POFUT3: variants seen among roughly 807,000 people sequenced by gnomAD.
The protein encoded by POFUT3 is GDP-fucose protein O-fucosyltransferase 3.
the POFUT3 span, among the ~76,000 whole-genome samples, chr8:33,443,762 G>A: frequency 6.6e-6 from 1 of 152,022 alleles, no homozygotes; most frequent in African/African-American, 2.4e-5. Context: ...CAAAATGTTG[G>A]GATTACAGGC....
chr8:33,355,717 A>T, the POFUT3 span, among the ~76,000 whole-genome samples: 1 of 151,974 alleles, frequency 6.6e-6, no homozygotes, highest in Non-Finnish European at 1.5e-5. Flanking sequence ...CATGTGCACA[A>T]TGTGCAGGTT....
chr8:33,316,170 C>CT, the POFUT3 span, among the ~76,000 whole-genome samples: 4 of 152,088 alleles, frequency 2.6e-5, no homozygotes, highest in African/African-American at 4.8e-5. Flanking sequence ...AAGAGAGGTT[C>CT]TGTATGAGTA....
At chr8:33,309,377 T>TG in the POFUT3 span, among the ~76,000 whole-genome samples, 48 of 146,260 alleles carry the variant, frequency 3.3e-4, 1 homozygote, top group South Asian at 3.3e-3. Context: ...GTGTGTGTGT[T>TG]TTTCTCCCCT....
At chr8:33,315,665 A>G in the POFUT3 span, among the ~76,000 whole-genome samples, 1 of 152,132 alleles carries the variant, frequency 6.6e-6, no homozygotes, top group African/African-American at 2.4e-5. Context: ...GATAGTTGGG[A>G]TAAGTTTTAT....
the POFUT3 span, among the ~76,000 whole-genome samples, chr8:33,453,984 G>A: frequency 4.6e-5 from 7 of 151,936 alleles, no homozygotes; most frequent in Non-Finnish European, 7.4e-5. Context: ...AAAATTGGCC[G>A]GGCATGGTGA....
At chr8:33,361,222 C>T in the POFUT3 span, 2 of 152,278 alleles carry the variant, frequency 1.3e-5, no homozygotes, top group Non-Finnish European at 2.9e-5. Flanking sequence ...CTGTTTGCCC[C>T]TGTGGACTCA....
At chr8:33,333,583 A>G in the POFUT3 span, among the ~76,000 whole-genome samples, 2 of 151,776 alleles carry the variant, frequency 1.3e-5, no homozygotes, top group Admixed American at 6.6e-5. Context: ...GACCAGGGGT[A>G]GAGTATTCCT....
the POFUT3 span, among the ~76,000 whole-genome samples, chr8:33,340,236 A>G: frequency 6.6e-6 from 1 of 152,034 alleles, no homozygotes; most frequent in Non-Finnish European, 1.5e-5. Context: ...CAAATAATGC[A>G]CACACACACA....
At chr8:33,452,522 T>C in the POFUT3 span, 1 of 152,188 alleles carries the variant, frequency 6.6e-6, no homozygotes, top group African/African-American at 2.4e-5. Flanking sequence ...TCACATTTAC[T>C]AGATATTGCC....
At chr8:33,436,678 T>G in the POFUT3 span, 1 of 811,132 alleles carries the variant, frequency 1.2e-6, no homozygotes, top group Non-Finnish European at 2.1e-6. Flanking sequence ...CCAGGGCACG[T>G]TTCCGATGAA....
At chr8:33,321,642 G>A in the POFUT3 span, among the ~76,000 whole-genome samples, 1 of 152,074 alleles carries the variant, frequency 6.6e-6, no homozygotes, top group Non-Finnish European at 1.5e-5. Flanking sequence ...CAGATTCAAA[G>A]GTAAGGAAAT....
At chr8:33,466,706 CA>C in the POFUT3 span, among the ~76,000 whole-genome samples, 1 of 152,126 alleles carries the variant, frequency 6.6e-6, no homozygotes, top group Non-Finnish European at 1.5e-5. Flanking sequence ...GTGGGACAGG[CA>C]GACTTGCAGA....
chr8:33,364,041 A>C, the POFUT3 span, among the ~76,000 whole-genome samples: 2 of 152,182 alleles, frequency 1.3e-5, no homozygotes, highest in Non-Finnish European at 2.9e-5. Flanking sequence ...GGCAAACCGA[A>C]TCCAGCAGCA....
chr8:33,322,799 A>G, the POFUT3 span, among the ~76,000 whole-genome samples: 2 of 152,186 alleles, frequency 1.3e-5, no homozygotes, highest in African/African-American at 4.8e-5. Context: ...TTAGAGGCCA[A>G]ACTAAGTTGA....
the POFUT3 span, among the ~76,000 whole-genome samples, chr8:33,467,572 G>C: frequency 6.6e-6 from 1 of 152,120 alleles, no homozygotes; most frequent in African/African-American, 2.4e-5. Flanking sequence ...ACCCCTAGGA[G>C]CTGAGCTTCT....
the POFUT3 span, among the ~76,000 whole-genome samples, chr8:33,421,001 T>C: frequency 6.6e-6 from 1 of 151,592 alleles, no homozygotes; most frequent in Non-Finnish European, 1.5e-5. Flanking sequence ...CAAATGTAAA[T>C]TCAGAAGACA....
the POFUT3 span, among the ~76,000 whole-genome samples, chr8:33,433,219 G>A: frequency 6.6e-6 from 1 of 151,820 alleles, no homozygotes; most frequent in Admixed American, 6.6e-5. Flanking sequence ...GGGCAACCGA[G>A]TGAGACAGTC....
chr8:33,353,468 G>A, the POFUT3 span, among the ~76,000 whole-genome samples: 22 of 152,224 alleles, frequency 1.4e-4, no homozygotes, highest in African/African-American at 2.6e-4. Context: ...CAGAAACCCC[G>A]GAGTTCTACA....
At chr8:33,451,061 G>GGTGTGTGTGT in the POFUT3 span, among the ~76,000 whole-genome samples, 3 of 88,842 alleles carry the variant, frequency 3.4e-5, no homozygotes, top group East Asian at 5.8e-4. Flanking sequence ...ACACAAAGGA[G>GGTGTGTGTGT]GTGTATGTGT....
Sources: allele counts gnomAD v4.1 joint callset (sites outside exome capture counted in the v4.1 genomes callset), GRCh38; gene constraint gnomAD v4.1.1; transcripts MANE v1.5; gene names NCBI Gene and HGNC (gene_info 2026-07-23, HGNC 2026-07-21).